MAGI2: variants seen among roughly 807,000 people sequenced by gnomAD.
MAGI2 encodes membrane associated guanylate kinase, WW and PDZ domain containing 2, also known as membrane-associated guanylate kinase, WW and PDZ domain-containing protein 2.
A neutral mutation model predicts 133.3 loss-of-function variants in MAGI2; 35 were observed. The ratio of observed to expected loss-of-function variants is 0.26; its 90% CI spans 0.20 to 0.35. The LOEUF is 0.35. Among genes scored for constraint, MAGI2 ranks in the 10% least tolerant of loss-of-function variants. MAGI2 has a pLI of 1.00. For missense variants in MAGI2, 1,636 were observed against 1,863.4 expected (o/e 0.88, Z 2.25); for synonymous variants, 729 against 710.6 (o/e 1.03, Z -0.41).
At chr7:79,143,700 T>C (rs1029479429) in intron 1 of MAGI2, among the ~76,000 whole-genome samples, 1 of 152,200 alleles carries the variant, frequency 6.6e-6, no homozygotes, top group Non-Finnish European at 1.5e-5. Flanking sequence ...AATGTGAGCT[T>C]CTATTTTTCA....
chr7:79,031,367 G>T (rs1810560789), intron 1 of MAGI2, among the ~76,000 whole-genome samples: 1 of 152,108 alleles, frequency 6.6e-6, no homozygotes, highest in Non-Finnish European at 1.5e-5. Flanking sequence ...TATTCCATAG[G>T]TATTGCTCAA....
At chr7:78,856,655 C>G (rs1312565837) in intron 2 of MAGI2, among the ~76,000 whole-genome samples, 2 of 152,126 alleles carry the variant, frequency 1.3e-5, no homozygotes, top group Non-Finnish European at 2.9e-5. Context: ...GTTACTGTAG[C>G]CTTGTAGTAT....
intron 10 of MAGI2, among the ~76,000 whole-genome samples, chr7:78,214,141 C>A (rs897603223): frequency 2.6e-5 from 4 of 152,158 alleles, no homozygotes; most frequent in African/African-American, 7.2e-5. Flanking sequence ...TGAGGTAATC[C>A]GAAGCCCACT....
chr7:78,324,126 C>CACACTACACTACACT (rs199831383), intron 9 of MAGI2, among the ~76,000 whole-genome samples: 6 of 147,566 alleles, frequency 4.1e-5, no homozygotes, highest in African/African-American at 1.3e-4. Flanking sequence ...AAATAATTGA[C>CACACTACACTACACT]ACACTACACT....
intron 15 of MAGI2, among the ~76,000 whole-genome samples, chr7:78,164,276 G>T (rs1303249268): frequency 1.3e-5 from 2 of 152,166 alleles, no homozygotes; most frequent in African/African-American, 4.8e-5. Flanking sequence ...GACTGTCTTT[G>T]GAAGGATGAC....
intron 2 of MAGI2, among the ~76,000 whole-genome samples, chr7:78,765,091 G>T (rs1824876438): frequency 6.6e-6 from 1 of 152,164 alleles, no homozygotes. Flanking sequence ...GATATGGGTA[G>T]TAAATTTCTT....
intron 1 of MAGI2, among the ~76,000 whole-genome samples, chr7:79,198,614 G>A (rs1828302041): frequency 6.6e-6 from 1 of 152,022 alleles, no homozygotes. Context: ...GGTAGGCCGG[G>A]CGCAGTGGCT....
chr7:78,246,152 C>T (rs1184994332), intron 10 of MAGI2, among the ~76,000 whole-genome samples: 1 of 151,998 alleles, frequency 6.6e-6, no homozygotes, highest in Non-Finnish European at 1.5e-5. Context: ...GGATTAACAA[C>T]ACAGCTTCAT....
At chr7:79,134,943 TA>T (rs1821248226) in intron 1 of MAGI2, among the ~76,000 whole-genome samples, 1 of 152,174 alleles carries the variant, frequency 6.6e-6, no homozygotes, top group African/African-American at 2.4e-5. Context: ...AATGGGAAAA[TA>T]AAACACACAA....
intron 6 of MAGI2, among the ~76,000 whole-genome samples, chr7:78,378,502 C>T (rs1256169013): frequency 2.0e-5 from 3 of 151,870 alleles, no homozygotes; most frequent in African/African-American, 7.3e-5. Context: ...AAGATAAGCT[C>T]CTTACAATGG....
intron 2 of MAGI2, among the ~76,000 whole-genome samples, chr7:78,803,777 C>T (rs550999798): frequency 6.6e-6 from 1 of 152,222 alleles, no homozygotes; most frequent in South Asian, 2.1e-4. Flanking sequence ...TTATGTGTGA[C>T]TAAAAATTTA....
intron 1 of MAGI2, among the ~76,000 whole-genome samples, chr7:79,044,810 TCA>T (rs1812015214): frequency 6.6e-6 from 1 of 152,162 alleles, no homozygotes; most frequent in African/African-American, 2.4e-5. Flanking sequence ...AAGAATGCAA[TCA>T]CAGTCACAGC....
At chr7:78,633,265 C>T (rs942647476) in intron 2 of MAGI2, among the ~76,000 whole-genome samples, 2 of 151,626 alleles carry the variant, frequency 1.3e-5, no homozygotes, top group African/African-American at 4.8e-5. Flanking sequence ...GGAGGAGGGA[C>T]GAGGGACAGG....
intron 21 of MAGI2, among the ~76,000 whole-genome samples, chr7:78,057,824 GATATTTTACTTTGAAAAC>G (rs1224692666): frequency 1.3e-5 from 2 of 151,542 alleles, no homozygotes; most frequent in Non-Finnish European, 2.9e-5. Flanking sequence ...GGCATTGCCT[GATATTTTACTTTGAAAAC>G]AAGCTAAAGA....
At chr7:78,363,154 G>C (rs952898839) in intron 7 of MAGI2, among the ~76,000 whole-genome samples, 18 of 152,132 alleles carry the variant, frequency 1.2e-4, no homozygotes, top group African/African-American at 3.6e-4. Flanking sequence ...ATGACTGAAG[G>C]CTCAACGCCT....
chr7:78,889,778 C>G (rs1642901), intron 2 of MAGI2, among the ~76,000 whole-genome samples: 59,717 of 151,684 alleles, frequency 0.39, 12,745 homozygotes, highest in South Asian at 0.58. Flanking sequence ...AAAAACATGC[C>G]AAATTGTGAA....
intron 1 of MAGI2, among the ~76,000 whole-genome samples, chr7:79,095,964 A>G: frequency 6.6e-6 from 1 of 152,164 alleles, no homozygotes; most frequent in South Asian, 2.1e-4. Context: ...GTTAACTACA[A>G]TAAAATAAGG....
intron 3 of MAGI2, among the ~76,000 whole-genome samples, chr7:78,587,030 A>G (rs1218141622): frequency 6.6e-6 from 1 of 152,188 alleles, no homozygotes; most frequent in African/African-American, 2.4e-5. Context: ...TAATGCTGCT[A>G]TGAACACGGG....
chr7:78,036,056 C>CATGTGTGT (rs1563033089), intron 21 of MAGI2, among the ~76,000 whole-genome samples: 2 of 151,000 alleles, frequency 1.3e-5, no homozygotes, highest in Non-Finnish European at 1.5e-5. Context: ...TGTGTGTCTG[C>CATGTGTGT]GTGTGTGTGT....
Sources: gnomAD v4.1 joint callset for allele counts (sites outside exome capture counted in the v4.1 genomes callset) on GRCh38, gnomAD v4.1.1 for gene constraint, MANE v1.5 for transcripts, NCBI Gene and HGNC (gene_info 2026-07-23, HGNC 2026-07-21) for gene names.